The following NRDE2 variants were observed in gnomAD, a reference collection of about 807,000 sequenced individuals.
The protein encoded by NRDE2 is NRDE-2, necessary for RNA interference, domain containing, also known as nuclear exosome regulator NRDE2.
Under a neutral mutation model 124.2 loss-of-function variants are expected in NRDE2, and 76 were observed. The ratio of observed to expected loss-of-function variants is 0.61; its 90% CI spans 0.51 to 0.74. NRDE2 has a LOEUF of 0.74. NRDE2 is among the 30% of genes least tolerant of loss of function. The probability of loss-of-function intolerance (pLI) is 0.00; values close to 1 mark genes in which losing one functional copy is unlikely to be tolerated. For synonymous variants in NRDE2, 489 were observed against 528.1 expected (o/e 0.93, Z 1.01); for missense variants, 1,314 against 1,417.3 (o/e 0.93, Z 1.17).
Position 90,316,609 on chromosome 14 carries a change from C to T in NRDE2, c.376G>A (p.Gly126Arg). ...SEKDKPSRGV[G>R]GSKKESEEPN... ...TCCTCAGATTCCTTTTTACTGCCTC[C>T]AACGCCTCTGGAAGGTTTGTCCTTT... Residue 126 changes from glycine to arginine, a missense_variant, in exon 3 of 14, where the codon GGA becomes AGA. Physicochemically the swap from Gly to Arg is moderately radical, Grantham distance 125. Transcript: ENST00000354366. 1 of 1,613,902 alleles carries T rather than the reference C, an allele frequency of 6.2e-7. No individual in the cohort carries two copies. Among genetic ancestry groups the T allele is most frequent in the African/African-American group, 1.3e-5 (1 of 75,022 alleles).
At chr14:90,299,460 G>A (rs1884308520) in intron 7 of NRDE2, among the ~76,000 whole-genome samples, 1 of 152,206 alleles carries the variant, frequency 6.6e-6, no homozygotes, top group Admixed American at 6.5e-5. Flanking sequence ...GGAACAGAAT[G>A]TGAACACAGC....
chr14:90,313,370 C>A (rs953454801), intron 3 of NRDE2, among the ~76,000 whole-genome samples: 16 of 152,230 alleles, frequency 1.1e-4, no homozygotes, highest in Middle Eastern at 6.8e-3. Context: ...TCATGATCCA[C>A]CCGCCTCGGC....
rs5810495 is a variant in NRDE2 at position 90,330,206 on chromosome 14, C to CAAAAAAA, written c.64+1628_64+1634dup. On this transcript the variant is annotated intron_variant, in intron 1 of 13. Coordinates refer to ENST00000354366, the MANE Select transcript of NRDE2 (RefSeq NM_017970.4). ...TGGGCGACAGAGCAAGACTTGGTCTCAAAAAAAAAAATAAATAAATAAATA... is the reference window on the plus strand; with the variant it reads ...TGGGCGACAGAGCAAGACTTGGTCTCAAAAAAAAAAAAAAAAAATAAATAAATAAATA... 1.7e-3 allele frequency among the ~76,000 whole-genome samples: 224 copies of CAAAAAAA among 132,190 alleles called. 1 individual carries two copies. The highest frequency in any genetic ancestry group is 4.7e-3 in the African/African-American group (158 of 33,310). The allele number at this position is 132,190 out of a possible 152,430, so 86.7% of individuals were successfully genotyped here. A position where few individuals can be genotyped will look rare whatever the true frequency, so the allele number is the denominator to read the frequency against.
rs146821347 is a variant in NRDE2 at position 90,304,162 on chromosome 14, C to T, written c.778G>A (p.Glu260Lys). 9.3e-6 allele frequency: 15 copies of T among 1,614,070 alleles called. No homozygotes were observed. Among genetic ancestry groups the T allele is most frequent in the Admixed American group, 1.7e-5 (1 of 59,998 alleles). ...PISFIPVKDL[E>K]DAAPVTTWLN... ...CAGGTTGTAACAGGAGCCGCATCTTCCAAGTCCTTCACTGGTATAAAGGAG... is the reference window on the plus strand; with the variant it reads ...CAGGTTGTAACAGGAGCCGCATCTTTCAAGTCCTTCACTGGTATAAAGGAG... Residue 260 changes from glutamate to lysine, a missense_variant, in exon 5 of 14, where the codon GAA (glutamate) becomes AAA (lysine). Physicochemically the swap from Glu to Lys is moderately conservative, Grantham distance 56. Transcript: ENST00000354366.
chr14:90,270,503 T>C lies in NRDE2; in HGVS notation c.*7833A>G. ...GGTTTACGATTACATCCAAATGGTA[T>C]ATGTGCTTGATATTGAAGTCATTCT... On this transcript the variant is annotated 3_prime_UTR_variant, in exon 14 of 14. Transcript: ENST00000354366. The C allele has an allele frequency of 1.2e-6, 1 of 850,540 alleles. No individual in the cohort carries two copies. Among genetic ancestry groups the C allele is most frequent in the Non-Finnish European group, 1.7e-6 (1 of 580,890 alleles). The allele number at this position is 850,540 out of a possible 1,614,324, so 52.7% of individuals were successfully genotyped here. A position where few individuals can be genotyped will look rare whatever the true frequency, so the allele number is the denominator to read the frequency against.
At chr14:90,293,730 T>A (rs899318463) in intron 8 of NRDE2, among the ~76,000 whole-genome samples, 17 of 152,214 alleles carry the variant, frequency 1.1e-4, no homozygotes, top group Non-Finnish European at 1.2e-4. Context: ...TCACTAGAAC[T>A]TGCCTTTAAA....
chr14:90,294,531 G>A (rs1044079803), intron 8 of NRDE2, among the ~76,000 whole-genome samples: 5 of 152,190 alleles, frequency 3.3e-5, no homozygotes, highest in African/African-American at 7.2e-5. Context: ...AAATCCTGGC[G>A]TGACATGGAT....
chr14:90,285,184 T>C (rs985109138), intron 12 of NRDE2, among the ~76,000 whole-genome samples: 3 of 149,236 alleles, frequency 2.0e-5, no homozygotes, highest in Non-Finnish European at 3.0e-5. Context: ...GGCAGGAGAA[T>C]TGCTTGAACC....
Position 90,298,365 on chromosome 14 carries a change from G to A in NRDE2, c.1561C>T (p.Pro521Ser). 5 of 1,613,722 alleles carry A rather than the reference G, an allele frequency of 3.1e-6. No homozygotes were observed. The highest frequency in any genetic ancestry group is 2.2e-5 in the East Asian group (1 of 44,870). Residue 521 changes from proline to serine, a missense_variant, in exon 8 of 14, where the codon CCC becomes TCC. Coordinates refer to ENST00000354366, the MANE Select transcript of NRDE2 (RefSeq NM_017970.4). Reference protein sequence around the residue: ...PTKGQVEFFEPFWDSGEPRAG... With the variant: ...PTKGQVEFFESFWDSGEPRAG... ...CGGGGCTCTCCACTGTCCCAAAAGG[G>A]TTCAAAGAATTCCACCTGTTCAGAT...
rs946085953 is a variant in NRDE2, at chr14:90,303,955, T to C, written c.985A>G (p.Met329Val). 1 of 1,610,192 alleles carries C rather than the reference T, an allele frequency of 6.2e-7. No individual in the cohort carries two copies. Among genetic ancestry groups the C allele is most frequent in the Non-Finnish European group, 8.5e-7 (1 of 1,177,474 alleles). Residue 329 changes from methionine (M) to valine (V), a missense_variant, in exon 5 of 14, where the codon ATG becomes GTG. By Grantham distance (21) the Met-to-Val change is conservative (BLOSUM62 1). Transcript: ENST00000354366. ...RENPRDTQLW[M>V]AFVAFQDEVM... ...CATACCTGAAAAGCAACAAATGCCA[T>C]CCACAGCTGCGTATCCCGAGGATTC... is the stretch of plus-strand genomic sequence containing the variant.
rs148360396 is a variant in NRDE2 at position 90,282,829 on chromosome 14, G to A, written c.3297+3525C>T. On this transcript the variant is annotated intron_variant, in intron 12 of 13. Coordinates refer to ENST00000354366, the MANE Select transcript of NRDE2 (RefSeq NM_017970.4). ...ATTACAGACATGTGCCACTACGCCC[G>A]GCTAATTTTGTATTTTTAGTAGAGA... 8.6e-3 allele frequency among the ~76,000 whole-genome samples: 1,305 copies of A among 152,096 alleles called. 22 individuals carry two copies. Among genetic ancestry groups the A allele is most frequent in the African/African-American group, 0.031 (1,267 of 41,488 alleles).
At chr14:90,328,630 T>C (rs1054227745) in intron 1 of NRDE2, among the ~76,000 whole-genome samples, 3 of 152,174 alleles carry the variant, frequency 2.0e-5, no homozygotes, top group African/African-American at 7.2e-5. Flanking sequence ...CCTCCTGAAA[T>C]GATTCCATAG....
In NRDE2 at chr14:90,288,142, C is replaced by G. The variant is rs1892158835; in HGVS notation, c.3158+75G>C. On this transcript the variant is annotated intron_variant, in intron 11 of 13. Transcript: ENST00000354366. ...TGTTCATCCCTGTCTTCCTGAGACC[C>G]AGCAAGGTCAGGGCAACACAGCAAG... 2.1e-6 allele frequency: 3 copies of G among 1,395,418 alleles called. No individual in the cohort carries two copies. The Admixed American group carries it at 5.8e-5, about 27-fold the overall frequency. The allele number at this position is 1,395,418 out of a possible 1,614,324, so 86.4% of individuals were successfully genotyped here.
intron 1 of NRDE2, among the ~76,000 whole-genome samples, chr14:90,324,969 G>A (rs912812765): frequency 2.6e-5 from 4 of 152,202 alleles, no homozygotes; most frequent in Admixed American, 6.5e-5. Context: ...CGGCGGGGAC[G>A]CTATTTTAGG....
rs149712515 is a variant in NRDE2 at position 90,304,152 on chromosome 14, G to C, written c.788C>G (p.Ala263Gly). 2.8e-4 allele frequency: 447 copies of C among 1,614,212 alleles called. 1 individual carries two copies. In the South Asian group the frequency reaches 3.1e-3, roughly 11 times the overall value. ...AGGATTCAACCAGGTTGTAACAGGA[G>C]CCGCATCTTCCAAGTCCTTCACTGG... ...FIPVKDLEDA[A>G]PVTTWLNPLG... The change falls in exon 5 of 14, where the codon GCT becomes GGT. Residue 263 changes from alanine to glycine, a missense_variant. Ala to Gly is a moderately conservative substitution (Grantham distance 60). Transcript: ENST00000354366.
intron 1 of NRDE2, among the ~76,000 whole-genome samples, chr14:90,327,053 A>C (rs1885465494): frequency 6.6e-6 from 1 of 152,252 alleles, no homozygotes; most frequent in South Asian, 2.1e-4. Context: ...CCATCCACTG[A>C]AAAAGTCTAG....
At position 90,274,836 on chromosome 14, in the gene NRDE2, A is replaced by ACCCC. The variant is rs1270606628; in HGVS notation, c.*3499_*3500insGGGG. 31 of 59,272 alleles carry ACCCC rather than the reference A, an allele frequency of 5.2e-4. 1 individual carries two copies. The East Asian group carries it at 6.6e-3, about 13-fold the overall frequency. The allele number at this position is 59,272 out of a possible 1,614,324, so 3.7% of individuals were successfully genotyped here. ...CACACACACACACACACACACACAC[A>ACCCC]CACCCCAATACATATGAATTGATCT... On this transcript the variant is annotated 3_prime_UTR_variant, in exon 14 of 14. Transcript: ENST00000354366.
Position 90,304,535 on chromosome 14 carries a change from C to T in NRDE2, c.558-153G>A. 4 of 590,200 alleles carry T rather than the reference C, an allele frequency of 6.8e-6. No individual in the cohort carries two copies. In the South Asian group the frequency reaches 9.4e-5, roughly 14 times the overall value. The allele number at this position is 590,200 out of a possible 1,614,324, so 36.6% of individuals were successfully genotyped here. On this transcript the variant is annotated intron_variant, in intron 4 of 13. Transcript: ENST00000354366. ...CAGATTGTTTCTATTTGGAGATACA[C>T]AAGGACTAGTAATTAACTTTCTTTC...
chr14:90,288,910 TCA>T lies in NRDE2; in HGVS notation c.2463_2464del (p.Cys821Ter), dbSNP rs1218349684. 6.2e-7 allele frequency: 1 copy of T among 1,613,972 alleles called. No individual in the cohort carries two copies. Reference sequence around the variant, plus strand: ...CAGCTCAGCATAGAGCAGACTGAGCTCACAGAGGTCAGAGTCTTTCAGTTCTC... The same window carrying T: ...CAGCTCAGCATAGAGCAGACTGAGCTCAGAGGTCAGAGTCTTTCAGTTCTC... On this transcript the variant is annotated stop_gained and frameshift_variant, in exon 11 of 14. Transcript: ENST00000354366. LOFTEE classifies it high-confidence loss of function.
Sources: allele counts gnomAD v4.1 joint callset (sites outside exome capture counted in the v4.1 genomes callset), GRCh38; gene constraint gnomAD v4.1.1; transcripts MANE v1.5; gene names NCBI Gene and HGNC (gene_info 2026-07-23, HGNC 2026-07-21).